The following SNAPC4 variants were observed in gnomAD, a reference collection of about 807,000 sequenced individuals.
SNAPC4 encodes snRNA-activating protein complex subunit 4.
A neutral mutation model predicts 151.3 loss-of-function variants in SNAPC4; 127 were observed. The ratio of observed to expected loss-of-function variants is 0.84; its 90% confidence interval spans 0.73 to 0.97. The LOEUF (loss-of-function observed/expected upper bound fraction) is 0.97, where lower values mean the gene tolerates loss of function less well. Among genes scored for constraint, SNAPC4 ranks in the 50% least tolerant of loss-of-function variants. The pLI is 0.00. For missense variants in SNAPC4, 2,186 were observed against 1,935.0 expected (o/e 1.13, Z -2.43); for synonymous variants, 1,002 against 824.4 (o/e 1.22, Z -3.69).
At chr9:136,391,243 G>C (rs1159901563) in intron 10 of SNAPC4, among the ~76,000 whole-genome samples, 1 of 152,118 alleles carries the variant, frequency 6.6e-6, no homozygotes, top group South Asian at 2.1e-4. Context: ...GTTTAGCTGG[G>C]TCTGCTATAA....
intron 22 of SNAPC4, 147 bp downstream of exon 22, chr9:136,377,396 G>C: frequency 9.6e-7 from 1 of 1,040,244 alleles, no homozygotes; most frequent in Non-Finnish European, 1.3e-6. Context: ...GGCAGGCCAG[G>C]AACCAGCTTC....
Position 136,383,743 on chromosome 9 carries a change from C to T in SNAPC4, c.1501-75G>A, listed in dbSNP as rs1407677257. The T allele has an allele frequency of 6.5e-7, 1 of 1,543,452 alleles. No homozygotes were observed. Among genetic ancestry groups the T allele is most frequent in the Non-Finnish European group, 8.8e-7 (1 of 1,141,630 alleles). On this transcript the variant is annotated intron_variant, in intron 15 of 23. Transcript: ENST00000684778. This position sits in a 1 kb window ranked among gnomAD's most constrained non-coding sequence, Gnocchi z 4.2. ...CATGATGGCAGCAAGCAGGCCAGCC[C>T]TTTGGGGAGAGGCCCAAGCGGGGGC...
In SNAPC4 at chr9:136,378,498, G is replaced by T; in HGVS notation, c.3329C>A (p.Ala1110Asp). 6.3e-7 allele frequency: 1 copy of T among 1,591,962 alleles called. No homozygotes were observed. Residue 1110 changes from alanine to aspartate, a missense_variant, in exon 22 of 24, where the codon GCC (alanine) becomes GAC (aspartate). Ala to Asp is a moderately radical substitution (Grantham distance 126). Coordinates refer to ENST00000684778, the MANE Select transcript of SNAPC4 (RefSeq NM_003086.4). ...CTCAGTCAGGGGAGGCAGCAGAGTG[G>T]CCAGCAGCCCTGCGGGGCCAGGGGT... Reference protein sequence around the residue: ...AGTPGPAGLLATLLPPLTETR... With the variant: ...AGTPGPAGLLDTLLPPLTETR...
rs1312460975 is a variant in SNAPC4, at chr9:136,382,012, C to T, written c.2129G>A (p.Ser710Asn). Reference sequence around the variant, plus strand: ...CCACTGCACATGGGATCGGGCCACGCTGTCACCAGAGCTGACCCCTGGGGA... The same window carrying T: ...CCACTGCACATGGGATCGGGCCACGTTGTCACCAGAGCTGACCCCTGGGGA... ...TSSPGVSSGDSVARSHVQWLR... is the reference protein window; with the variant it reads ...TSSPGVSSGDNVARSHVQWLR... Residue 710 changes from serine (S) to asparagine (N), a missense_variant, in exon 18 of 24, where the codon AGC (serine) becomes AAC (asparagine). Transcript: ENST00000684778. 1 of 1,609,010 alleles carries T rather than the reference C, an allele frequency of 6.2e-7. No homozygotes were observed. Among genetic ancestry groups the T allele is most frequent in the South Asian group, 1.1e-5 (1 of 90,552 alleles).
At chr9:136,390,091 G>C (rs1421283694) in intron 10 of SNAPC4, among the ~76,000 whole-genome samples, 2 of 152,120 alleles carry the variant, frequency 1.3e-5, no homozygotes, top group African/African-American at 4.8e-5. Context: ...AGAGTGGAAG[G>C]AAAAGAGGCC....
Position 136,378,580 on chromosome 9 carries a change from G to A in SNAPC4, c.3247C>T (p.Gln1083Ter), listed in dbSNP as rs762884474. The stretch of plus-strand genomic sequence containing the variant: ...GGTACAGGAACAGGGAGAAGCCCCT[G>A]GGCTGTGAGCACCCAGGTGACAGGC... ...PLPVTWVLTAQGLLPVPVPAV... is the reference protein window; with the variant it reads ...PLPVTWVLTA Residue 1083 changes from glutamine to a stop codon, truncating the protein, a stop_gained, in exon 22 of 24, where the codon CAG becomes TAG. Coordinates refer to ENST00000684778, the MANE Select transcript of SNAPC4 (RefSeq NM_003086.4). LOFTEE classifies it high-confidence loss of function. 2 of 1,587,714 alleles carry A rather than the reference G, an allele frequency of 1.3e-6. No individual in the cohort carries two copies. Among genetic ancestry groups the A allele is most frequent in the Non-Finnish European group, 1.7e-6 (2 of 1,169,912 alleles).
intron 5 of SNAPC4, 65 bp from the exon 6 acceptor site, chr9:136,394,943 C>T (rs1834210416): frequency 2.1e-6 from 3 of 1,405,104 alleles, no homozygotes; most frequent in South Asian, 1.2e-5. Context: ...CCCAGCACAT[C>T]CCTCCAGAGC....
chr9:136,396,375 C>A (rs527414397), intron 3 of SNAPC4, among the ~76,000 whole-genome samples: 14 of 152,350 alleles, frequency 9.2e-5, no homozygotes, highest in African/African-American at 3.4e-4. Context: ...AAAATAATCA[C>A]TGGCCTCACA....
chr9:136,396,074 C>T (rs1263286204), intron 3 of SNAPC4, among the ~76,000 whole-genome samples: 1 of 152,246 alleles, frequency 6.6e-6, no homozygotes, highest in Non-Finnish European at 1.5e-5. Flanking sequence ...TCCAGGACCA[C>T]AGGCGTCCTG....
At position 136,383,733 on chromosome 9, in the gene SNAPC4, C is replaced by T; in HGVS notation, c.1501-65G>A. 6.5e-7 allele frequency: 1 copy of T among 1,548,412 alleles called. No homozygotes were observed. The highest frequency in any genetic ancestry group is 1.2e-5 in the South Asian group (1 of 81,048). ...CCGGTTCACCCATGATGGCAGCAAG[C>T]AGGCCAGCCCTTTGGGGAGAGGCCC... On this transcript the variant is annotated intron_variant, in intron 15 of 23. Transcript: ENST00000684778. This position sits in a 1 kb window ranked among gnomAD's most constrained non-coding sequence, Gnocchi z 4.2.
At chr9:136,379,811 C>T (rs1833621703) in intron 21 of SNAPC4, 26 bp downstream of exon 21, 2 of 1,611,544 alleles carry the variant, frequency 1.2e-6, no homozygotes, top group Non-Finnish European at 8.5e-7. Context: ...GGTCTCTTCC[C>T]CACCAGGGCA....
At chr9:136,393,664 T>C (rs574433553) in intron 7 of SNAPC4, among the ~76,000 whole-genome samples, 1 of 146,390 alleles carries the variant, frequency 6.8e-6, no homozygotes, top group Non-Finnish European at 1.5e-5. Context: ...GAGCCACACC[T>C]CTCATCGTGG....
chr9:136,390,510 G>C (rs1241489670), intron 10 of SNAPC4, among the ~76,000 whole-genome samples: 1 of 136,952 alleles, frequency 7.3e-6, no homozygotes. Context: ...AGCTGAGATC[G>C]TGCCACTGCA....
At chr9:136,392,443 C>T (rs1834111593) in intron 9 of SNAPC4, 79 bp downstream of exon 9, 1 of 1,399,540 alleles carries the variant, frequency 7.1e-7, no homozygotes, top group African/African-American at 1.4e-5. Context: ...TGTGGCCTTA[C>T]CACCCAATTC....
In SNAPC4 at chr9:136,376,295, A is replaced by G. The variant is rs568796840; in HGVS notation, c.*7+54T>C. The G allele has an allele frequency of 5.2e-4, 826 of 1,597,286 alleles. 4 individuals are homozygous for G. The highest frequency in any genetic ancestry group is 1.0e-4 in the Admixed American group (6 of 59,744). On this transcript the variant is annotated intron_variant, in intron 23 of 23. Transcript: ENST00000684778. ...GAGGCCAAGGCCCCCTGCCATCTGGACACCACTCTGTCCCCTGGGTTGTAG... is the reference window on the plus strand; with the variant it reads ...GAGGCCAAGGCCCCCTGCCATCTGGGCACCACTCTGTCCCCTGGGTTGTAG...
At position 136,378,147 on chromosome 9, in the gene SNAPC4, C is replaced by T; in HGVS notation, c.3680G>A (p.Gly1227Glu). The T allele has an allele frequency of 1.2e-6, 2 of 1,609,872 alleles. No homozygotes were observed. Among genetic ancestry groups the T allele is most frequent in the East Asian group, 2.2e-5 (1 of 44,764 alleles). ...CAGAGGCCCCCTGGGCTCCTGTGTC[C>T]CTGAGGGGGACCCCGGCGTCCCCCT... ...EPRGTPGSPS[G>E]TQEPRGPLGL... Residue 1227 changes from glycine (G) to glutamate (E), a missense_variant, in exon 22 of 24, where the codon GGG becomes GAG. Gly to Glu is a moderately conservative substitution (Grantham distance 98). Coordinates refer to ENST00000684778, the MANE Select transcript of SNAPC4 (RefSeq NM_003086.4).
At position 136,387,793 on chromosome 9, in the gene SNAPC4, C is replaced by G. The variant is rs1322259710; in HGVS notation, c.1179G>C (p.Lys393Asn). Residue 393 changes from lysine to asparagine, a missense_variant, in exon 12 of 24, where the codon AAG becomes AAC. By Grantham distance (94) the Lys-to-Asn change is moderately conservative. Transcript: ENST00000684778. ...DSMQLIYRWT[K>N]SLDPGLKKGY... is the part of the protein sequence containing the mutation. ...CCTTCTTCAGACCAGGATCCAAGCT[C>G]TTGGTCCATCGGTAGATCAGCTGCA... 1 of 1,613,380 alleles carries G rather than the reference C, an allele frequency of 6.2e-7. No individual in the cohort carries two copies. The highest frequency in any genetic ancestry group is 8.5e-7 in the Non-Finnish European group (1 of 1,179,388).
chr9:136,384,654 G>T, intron 14 of SNAPC4, 66 bp downstream of exon 14: 2 of 844,292 alleles, frequency 2.4e-6, no homozygotes, highest in African/African-American at 1.7e-5. Context: ...TCTTTATCTT[G>T]ATCTCTTTTC....
intron 1 of SNAPC4, among the ~76,000 whole-genome samples, chr9:136,399,420 A>G (rs1391055575): frequency 6.6e-6 from 1 of 152,224 alleles, no homozygotes; most frequent in East Asian, 1.9e-4. Context: ...GCTGGCAGCG[A>G]CCGCAGGCTG....
Sources: allele counts gnomAD v4.1 joint callset (sites outside exome capture counted in the v4.1 genomes callset), GRCh38; gene constraint gnomAD v4.1.1; non-coding constraint Gnocchi (gnomAD v3.1); transcripts MANE v1.5; gene names NCBI Gene and HGNC (gene_info 2026-07-23, HGNC 2026-07-21).